RBFOX1: variants seen among roughly 807,000 people sequenced by gnomAD.
RBFOX1 encodes the protein RNA binding protein fox-1 homolog 1.
Under a neutral mutation model 57.7 loss-of-function variants are expected in RBFOX1, and 8 were observed. The ratio of observed to expected loss-of-function variants is 0.14; its 90% CI spans 0.08 to 0.25. RBFOX1 has a LOEUF of 0.25. Among genes scored for constraint, RBFOX1 ranks in the 10% least tolerant of loss-of-function variants. The pLI is 1.00. For missense variants in RBFOX1, 611 were observed against 548.5 expected, an observed-to-expected ratio of 1.11 and a Z score of -1.14; for synonymous variants, 326 against 222.4, an observed-to-expected ratio of 1.47 and a Z score of -4.15.
At chr16:7,303,822 C>T (rs1249726872) in intron 4 of RBFOX1, among the ~76,000 whole-genome samples, 2 of 151,044 alleles carry the variant, frequency 1.3e-5, no homozygotes, top group Admixed American at 1.3e-4. Flanking sequence ...CCCTCTCTAC[C>T]TCCGTCCCAC....
Position 5,950,729 on chromosome 16 carries a change from T to C in RBFOX1, c.351+83394T>C, listed in dbSNP as rs117255948. On this transcript the variant is annotated intron_variant, in intron 4 of 19. Coordinates refer to the RBFOX1 transcript ENST00000641259. ...AAACATTTATCAGGCACCTACTGGG[T>C]ACTCATTTCAGGGCTGGGAGCCAGG... 1.7e-4 allele frequency among the ~76,000 whole-genome samples: 26 copies of C among 152,330 alleles called. 1 individual carries two copies. In the East Asian group the frequency reaches 4.4e-3, roughly 26 times the overall value.
At position 6,814,461 on chromosome 16, in the gene RBFOX1, G is replaced by C. The variant is rs540787601; in HGVS notation, c.-16+159811G>C. On this transcript the variant is annotated intron_variant, in intron 3 of 15. Transcript: ENST00000550418. ...TAGAAGCAGGTGGGTGAACAAGGTAGATGTGGCTTCTAGCTTCATGGGGCT... is the reference window on the plus strand; with the variant it reads ...TAGAAGCAGGTGGGTGAACAAGGTACATGTGGCTTCTAGCTTCATGGGGCT... 6.6e-5 allele frequency among the ~76,000 whole-genome samples: 10 copies of C among 152,306 alleles called. No homozygotes were observed. In the South Asian group the frequency reaches 2.1e-3, roughly 32 times the overall value.
chr16:6,360,101 G>A (rs995470032), intron 2 of RBFOX1, among the ~76,000 whole-genome samples: 5 of 151,910 alleles, frequency 3.3e-5, no homozygotes, highest in Non-Finnish European at 7.4e-5. Flanking sequence ...CATTTCCATG[G>A]CTTTATGAAC....
In RBFOX1 at chr16:6,304,524, T is replaced by C. The variant is rs111922456; in HGVS notation, c.-126-12471T>C. ...GAGGACTATCTTCCCTACAGAGCCG[T>C]ATGCCTGAGGAGGGGAGACGAATGG... On this transcript the variant is annotated intron_variant, in intron 1 of 15. Coordinates refer to ENST00000550418, the MANE Select transcript of RBFOX1 (RefSeq NM_018723.4). Among the ~76,000 whole-genome samples the C allele has an allele frequency of 8.5e-3, 1,298 of 152,084 alleles. 16 individuals carry two copies. Among genetic ancestry groups the C allele is most frequent in the African/African-American group, 0.028 (1,145 of 41,474 alleles).
At chr16:6,114,571 G>GA (rs35840787) in intron 1 of RBFOX1, among the ~76,000 whole-genome samples, 51,310 of 151,938 alleles carry the variant, frequency 0.34, 11,807 homozygotes, top group African/African-American at 0.64. Flanking sequence ...TTTTCTTGGA[G>GA]GGGGCGTAAC....
chr16:7,076,035 G>A (rs2058231094), intron 4 of RBFOX1, among the ~76,000 whole-genome samples: 1 of 150,330 alleles, frequency 6.7e-6, no homozygotes, highest in Non-Finnish European at 1.5e-5. Context: ...CTCACACTTG[G>A]GCTTTTTTTT....
chr16:5,700,928 T>A (rs2151481609), intron 3 of RBFOX1, among the ~76,000 whole-genome samples: 1 of 152,270 alleles, frequency 6.6e-6, no homozygotes, highest in South Asian at 2.1e-4. Flanking sequence ...TGTCTGAGAG[T>A]AAGAAAAGGA....
intron 4 of RBFOX1, among the ~76,000 whole-genome samples, chr16:7,414,165 C>T (rs2098457133): frequency 6.6e-6 from 1 of 152,238 alleles, no homozygotes; most frequent in Non-Finnish European, 1.5e-5. Context: ...CTTAGTTATC[C>T]AACAAGTGTT....
chr16:6,219,921 C>T (rs946066876), intron 1 of RBFOX1, among the ~76,000 whole-genome samples: 4 of 151,998 alleles, frequency 2.6e-5, no homozygotes, highest in East Asian at 1.9e-4. Flanking sequence ...ATTCTCGTAT[C>T]GATTGTGATA....
chr16:5,865,811 C>T (rs535629173), intron 3 of RBFOX1, among the ~76,000 whole-genome samples: 2 of 152,104 alleles, frequency 1.3e-5, no homozygotes, highest in Non-Finnish European at 2.9e-5. Flanking sequence ...AAGGTACCAG[C>T]AGACTCGGTA....
chr16:7,362,375 G>T (rs2097343717), intron 4 of RBFOX1, among the ~76,000 whole-genome samples: 3 of 151,576 alleles, frequency 2.0e-5, no homozygotes, highest in Admixed American at 6.6e-5. Context: ...TAGTGTGTGT[G>T]TATGTGTTAA....
intron 4 of RBFOX1, among the ~76,000 whole-genome samples, chr16:7,206,140 G>C (rs6500925): frequency 0.61 from 92,153 of 152,040 alleles, 29,370 homozygotes; most frequent in African/African-American, 0.82. Context: ...ACATAATCTT[G>C]TACACACAGT....
At chr16:5,472,805 T>C (rs1019820927) in intron 2 of RBFOX1, among the ~76,000 whole-genome samples, 2 of 152,216 alleles carry the variant, frequency 1.3e-5, no homozygotes, top group Non-Finnish European at 2.9e-5. Flanking sequence ...GGATTTGCCA[T>C]CTGATCCTCC....
chr16:7,206,359 A>G (rs1006926732), intron 4 of RBFOX1, among the ~76,000 whole-genome samples: 1 of 152,022 alleles, frequency 6.6e-6, no homozygotes. Flanking sequence ...TAAGCCTAAC[A>G]TACCCCTTAT....
chr16:7,498,610 C>G (rs371422581), intron 4 of RBFOX1, among the ~76,000 whole-genome samples: 1 of 152,180 alleles, frequency 6.6e-6, no homozygotes, highest in East Asian at 1.9e-4. Context: ...ATCAAACTGA[C>G]ACTACTAAAG....
In RBFOX1 at chr16:7,664,913, G is replaced by A. The variant is rs771237196; in HGVS notation, c.891-16G>A. On this transcript the variant is annotated splice_polypyrimidine_tract_variant and intron_variant, in intron 12 of 15. Transcript: ENST00000550418. ...CACTAATATGGATGTTTCTCTTTGT[G>A]TGTGCACCCTTGCAGTGTTGTTTAC... The A allele has an allele frequency of 6.2e-7, 1 of 1,613,928 alleles. No homozygotes were observed. Among genetic ancestry groups the A allele is most frequent in the South Asian group, 1.1e-5 (1 of 91,078 alleles).
intron 3 of RBFOX1, among the ~76,000 whole-genome samples, chr16:7,047,824 T>G (rs1335865747): frequency 6.6e-6 from 1 of 151,466 alleles, no homozygotes; most frequent in Non-Finnish European, 1.5e-5. Context: ...TTTCTTCTGT[T>G]GTCTTCATTC....
intron 2 of RBFOX1, among the ~76,000 whole-genome samples, chr16:6,616,094 C>A (rs2098137096): frequency 6.6e-6 from 1 of 152,092 alleles, no homozygotes; most frequent in Non-Finnish European, 1.5e-5. Flanking sequence ...GAGGACAGGG[C>A]CCCAATCCCA....
chr16:5,409,219 G>C (rs1385723228), intron 1 of RBFOX1, among the ~76,000 whole-genome samples: 1 of 152,206 alleles, frequency 6.6e-6, no homozygotes, highest in African/African-American at 2.4e-5. Flanking sequence ...CAGACGATCA[G>C]AAGGCGATGG....
Sources: allele counts gnomAD v4.1 joint callset (sites outside exome capture counted in the v4.1 genomes callset), GRCh38; gene constraint gnomAD v4.1.1; transcripts MANE v1.5; gene names NCBI Gene and HGNC (gene_info 2026-07-23, HGNC 2026-07-21).